Variants in CNTN4 observed in about 807,000 individuals in gnomAD.
CNTN4 encodes the protein contactin-4.
In CNTN4, 77 loss-of-function variants were observed where a neutral mutation model predicts 122.5. The ratio of observed to expected loss-of-function variants is 0.63; its 90% CI spans 0.52 to 0.76. The LOEUF is 0.76. Among genes scored for constraint, CNTN4 ranks in the 30% least tolerant of loss-of-function variants. The pLI, the probability that CNTN4 is intolerant of heterozygous loss-of-function variation, is 0.00. For synonymous variants in CNTN4, 512 were observed against 447.0 expected, an observed-to-expected ratio of 1.15 and a Z score of -1.83; for missense variants, 1,256 against 1,259.1, an observed-to-expected ratio of 1.00 and a Z score of 0.04.
intron 3 of CNTN4, among the ~76,000 whole-genome samples, chr3:2,522,907 C>T (rs764505451): frequency 1.3e-5 from 2 of 152,018 alleles, no homozygotes; most frequent in Non-Finnish European, 2.9e-5. Flanking sequence ...ATAAAAAGTA[C>T]TAGATTGATA....
At chr3:2,290,282 C>T (rs1281568040) in intron 2 of CNTN4, among the ~76,000 whole-genome samples, 2 of 152,134 alleles carry the variant, frequency 1.3e-5, no homozygotes, top group African/African-American at 2.4e-5. Context: ...AGGGGGAAGC[C>T]AGGTGGATCC....
chr3:2,234,656 G>A (rs2149567909), intron 2 of CNTN4, among the ~76,000 whole-genome samples: 1 of 152,288 alleles, frequency 6.6e-6, no homozygotes, highest in South Asian at 2.1e-4. Context: ...TGAGGCAGAT[G>A]CATTGTTGAT....
chr3:2,109,178 A>G (rs2032729272), intron 2 of CNTN4, among the ~76,000 whole-genome samples: 1 of 152,192 alleles, frequency 6.6e-6, no homozygotes, highest in African/African-American at 2.4e-5. Context: ...TCGGAAAGAG[A>G]AAATATTTTC....
chr3:2,774,288 AAAGAT>A (rs1436144544), intron 6 of CNTN4, among the ~76,000 whole-genome samples: 2 of 151,748 alleles, frequency 1.3e-5, no homozygotes, highest in East Asian at 1.9e-4. Flanking sequence ...AAAAAAAAGA[AAAGAT>A]ATGTCAGCTG....
At chr3:2,456,779 G>A (rs77173044) in intron 3 of CNTN4, among the ~76,000 whole-genome samples, 2 of 151,942 alleles carry the variant, frequency 1.3e-5, no homozygotes, top group South Asian at 2.1e-4. Flanking sequence ...ATCTATGGAC[G>A]CTTGAGTTGT....
intron 3 of CNTN4, among the ~76,000 whole-genome samples, chr3:2,368,991 C>T (rs896687999): frequency 3.9e-5 from 6 of 152,142 alleles, no homozygotes; most frequent in African/African-American, 1.4e-4. Flanking sequence ...GTGGCAAGAT[C>T]TCGGCTCCCT....
chr3:2,622,787 G>A (rs887269353), intron 4 of CNTN4, among the ~76,000 whole-genome samples: 1 of 152,298 alleles, frequency 6.6e-6, no homozygotes, highest in Non-Finnish European at 1.5e-5. Flanking sequence ...TGGAAACTCA[G>A]ATAAGTAGAT....
At position 2,484,854 on chromosome 3, in the gene CNTN4, C is replaced by A. The variant is rs528320762; in HGVS notation, c.-88-86562C>A. On this transcript the variant is annotated intron_variant, in intron 3 of 24. Transcript: ENST00000418658. ...TCAGCCTGCCACTGTGCTGTGGGGG[C>A]CCCTCTCTGGGCTGGCCGAGGCTGA... 3.9e-5 allele frequency among the ~76,000 whole-genome samples: 6 copies of A among 152,326 alleles called. No homozygotes were observed. The East Asian group carries it at 9.7e-4, about 25-fold the overall frequency.
intron 3 of CNTN4, among the ~76,000 whole-genome samples, chr3:2,442,918 A>C (rs1333250112): frequency 6.6e-6 from 1 of 152,138 alleles, no homozygotes; most frequent in Non-Finnish European, 1.5e-5. Flanking sequence ...AGGAGGAAAA[A>C]GCCTTTTGAT....
At chr3:2,296,253 A>G (rs2042307120) in intron 2 of CNTN4, among the ~76,000 whole-genome samples, 1 of 152,142 alleles carries the variant, frequency 6.6e-6, no homozygotes, top group East Asian at 1.9e-4. Context: ...CGTTGAATCT[A>G]TAAATTACCT....
At chr3:3,014,655 C>T (rs1214973729) in intron 14 of CNTN4, among the ~76,000 whole-genome samples, 2 of 151,524 alleles carry the variant, frequency 1.3e-5, no homozygotes, top group Non-Finnish European at 2.9e-5. Context: ...GTCTGTCTTG[C>T]TCTGTTTCTC....
intron 2 of CNTN4, among the ~76,000 whole-genome samples, chr3:2,169,475 C>G (rs190835047): frequency 1.3e-5 from 2 of 152,048 alleles, no homozygotes; most frequent in East Asian, 1.9e-4. Context: ...GGCGCGATCT[C>G]GGCTCACTGC....
intron 3 of CNTN4, among the ~76,000 whole-genome samples, chr3:2,491,398 A>G (rs2076312642): frequency 6.6e-6 from 1 of 152,224 alleles, no homozygotes; most frequent in Non-Finnish European, 1.5e-5. Flanking sequence ...AAGAAAAAAT[A>G]CACGTGTATA....
At chr3:2,698,427 T>C (rs2086166846) in intron 4 of CNTN4, among the ~76,000 whole-genome samples, 1 of 152,186 alleles carries the variant, frequency 6.6e-6, no homozygotes, top group Admixed American at 6.5e-5. Context: ...AATGACTTCA[T>C]GCGGACCACG....
chr3:2,860,783 C>CTAT (rs2150769178), intron 7 of CNTN4, among the ~76,000 whole-genome samples: 1 of 152,264 alleles, frequency 6.6e-6, no homozygotes, highest in African/African-American at 2.4e-5. Context: ...AATCCAAAGT[C>CTAT]TATTGGTCAT....
chr3:2,568,625 C>T lies in CNTN4; in HGVS notation c.-88-2791C>T, dbSNP rs79749019. Among the ~76,000 whole-genome samples, 180 of 152,230 alleles carry T rather than the reference C, an allele frequency of 1.2e-3. 3 individuals carry two copies. In the East Asian group the frequency reaches 0.028, roughly 24 times the overall value. On this transcript the variant is annotated intron_variant, in intron 3 of 24. Transcript: ENST00000418658. The stretch of plus-strand genomic sequence containing the variant: ...AAATTGAAATTATGAAACTTCGTAT[C>T]CTGCACCAGAGTCCCACGTGAGATT...
At chr3:2,917,346 A>G (rs199654908) in intron 12 of CNTN4, among the ~76,000 whole-genome samples, 4 of 120,188 alleles carry the variant, frequency 3.3e-5, no homozygotes, top group Admixed American at 8.7e-5. Flanking sequence ...TAGGGAGAGG[A>G]AGAGGGAGAC....
chr3:2,162,042 A>C (rs1315284357), intron 2 of CNTN4, among the ~76,000 whole-genome samples: 1 of 152,198 alleles, frequency 6.6e-6, no homozygotes, highest in Non-Finnish European at 1.5e-5. Context: ...TTGTATCTTT[A>C]AATTTTTTAA....
intron 3 of CNTN4, among the ~76,000 whole-genome samples, chr3:2,441,174 T>C (rs899002231): frequency 1.3e-5 from 2 of 152,126 alleles, no homozygotes; most frequent in Admixed American, 6.6e-5. Context: ...CAAAATGAGT[T>C]GCTGCATTTT....
Sources: allele counts gnomAD v4.1 joint callset (sites outside exome capture counted in the v4.1 genomes callset), GRCh38; gene constraint gnomAD v4.1.1; transcripts MANE v1.5; gene names NCBI Gene and HGNC (gene_info 2026-07-23, HGNC 2026-07-21).